FSTL4: variants seen among roughly 807,000 people sequenced by gnomAD.
FSTL4 encodes follistatin like 4.
In FSTL4, 28 loss-of-function variants were observed where a neutral mutation model predicts 78.2. That is an observed-to-expected ratio of 0.36 (90% CI 0.27 to 0.49). The LOEUF (loss-of-function observed/expected upper bound fraction) is 0.49. FSTL4 is among the 20% of genes least tolerant of loss of function. FSTL4 has a pLI of 0.98. For missense variants in FSTL4, 922 were observed against 1,084.9 expected, an observed-to-expected ratio of 0.85 and a Z score of 2.11; for synonymous variants, 422 against 440.5, an observed-to-expected ratio of 0.96 and a Z score of 0.53.
chr5:133,240,068 T>C (rs1261375933), intron 7 of FSTL4, among the ~76,000 whole-genome samples: 1 of 152,204 alleles, frequency 6.6e-6, no homozygotes, highest in Non-Finnish European at 1.5e-5. Flanking sequence ...GCTCACTCTT[T>C]AGGTTTACAC....
At chr5:133,787,577 A>T in the FSTL4 span, among the ~76,000 whole-genome samples, 1 of 29,390 alleles carries the variant, frequency 3.4e-5, no homozygotes, top group South Asian at 9.8e-4. Flanking sequence ...CCCCACCCCC[A>T]GTCCCACGCC....
intron 2 of FSTL4, among the ~76,000 whole-genome samples, chr5:133,572,549 T>C (rs1212823891): frequency 6.6e-6 from 1 of 152,144 alleles, no homozygotes; most frequent in East Asian, 1.9e-4. Flanking sequence ...AGCGAACTTT[T>C]AAGGCAAAAA....
the FSTL4 span, among the ~76,000 whole-genome samples, chr5:133,720,277 T>G: frequency 5.9e-5 from 9 of 152,238 alleles, no homozygotes; most frequent in Admixed American, 6.5e-5. Flanking sequence ...ATTCAAGTTC[T>G]TTTTGTGGCA....
At chr5:133,570,987 C>T (rs1760142404) in intron 2 of FSTL4, among the ~76,000 whole-genome samples, 1 of 151,968 alleles carries the variant, frequency 6.6e-6, no homozygotes, top group Admixed American at 6.6e-5. Context: ...GAAAAGGAAA[C>T]CAGAAAGAAG....
chr5:133,323,288 T>G (rs78579095), intron 4 of FSTL4, among the ~76,000 whole-genome samples: 1 of 152,114 alleles, frequency 6.6e-6, no homozygotes, highest in Admixed American at 6.5e-5. Flanking sequence ...ATGGGGATAA[T>G]AATAGCTTCT....
intron 3 of FSTL4, among the ~76,000 whole-genome samples, chr5:133,539,958 T>C (rs1759433419): frequency 6.6e-6 from 1 of 151,786 alleles, no homozygotes; most frequent in African/African-American, 2.4e-5. Flanking sequence ...GGTTTTTTTT[T>C]TTTCTTTGAT....
At chr5:133,652,767 A>G in the FSTL4 span, among the ~76,000 whole-genome samples, 1 of 152,188 alleles carries the variant, frequency 6.6e-6, no homozygotes, top group African/African-American at 2.4e-5. Flanking sequence ...AACAAGGACC[A>G]CACTTATTCT....
At chr5:133,573,516 G>A (rs256251) in intron 2 of FSTL4, among the ~76,000 whole-genome samples, 58,281 of 151,992 alleles carry the variant, frequency 0.38, 11,302 homozygotes, top group Non-Finnish European at 0.39. Flanking sequence ...AACTTAACAG[G>A]AATATATAGC....
Position 133,611,626 on chromosome 5 carries a change from T to A in FSTL4, c.-11+699A>T, listed in dbSNP as rs1304176228. ...TGCTCCCTAGACACGTTCAAGCGGG[T>A]ACCCCGGGCCGCTCACTCTGGACCG... On this transcript the variant is annotated intron_variant, in intron 1 of 15. Transcript: ENST00000265342. This position sits in a 1 kb window ranked among gnomAD's most constrained non-coding sequence, Gnocchi z 4.9. Among the ~76,000 whole-genome samples, 1 of 152,092 alleles carries A rather than the reference T, an allele frequency of 6.6e-6. No individual in the cohort carries two copies. Among genetic ancestry groups the A allele is most frequent in the Non-Finnish European group, 1.5e-5 (1 of 67,996 alleles).
At position 133,471,657 on chromosome 5, in the gene FSTL4, C is replaced by T. The variant is rs142456979; in HGVS notation, c.161-70671G>A. ...ATTTTAAATTTCTGTTGTTTATCAG[C>T]TACCCAGGCTATGCGATTTTGTTAT... On this transcript the variant is annotated intron_variant, in intron 3 of 15. Transcript: ENST00000265342. Among the ~76,000 whole-genome samples, 584 of 152,290 alleles carry T rather than the reference C, an allele frequency of 3.8e-3. 3 individuals are homozygous for T. Among genetic ancestry groups the T allele is most frequent in the African/African-American group, 0.014 (574 of 41,536 alleles).
intron 2 of FSTL4, among the ~76,000 whole-genome samples, chr5:133,572,023 C>T (rs192788267): frequency 1.3e-5 from 2 of 152,270 alleles, no homozygotes; most frequent in African/African-American, 4.8e-5. Flanking sequence ...TAATGAAAGA[C>T]ATCAAGCCAG....
At chr5:133,724,329 G>T in the FSTL4 span, among the ~76,000 whole-genome samples, 1 of 152,194 alleles carries the variant, frequency 6.6e-6, no homozygotes, top group African/African-American at 2.4e-5. Context: ...CCTAACTGAG[G>T]AGATTGGGTG....
chr5:133,438,716 C>T (rs1757088109), intron 3 of FSTL4, among the ~76,000 whole-genome samples: 1 of 152,170 alleles, frequency 6.6e-6, no homozygotes, highest in African/African-American at 2.4e-5. Context: ...ATGGGGCTCA[C>T]ACCTCATGGA....
the FSTL4 span, among the ~76,000 whole-genome samples, chr5:133,694,777 G>A: frequency 6.6e-6 from 1 of 152,174 alleles, no homozygotes; most frequent in African/African-American, 2.4e-5. Context: ...AGTAAATCTG[G>A]TGTCTAGCAA....
chr5:133,753,683 C>CTGTGTGTG, the FSTL4 span, among the ~76,000 whole-genome samples: 2,250 of 120,536 alleles, frequency 0.019, 46 homozygotes, highest in African/African-American at 0.021. Flanking sequence ...CACATTTGTT[C>CTGTGTGTG]TGTGTGTGTG....
the FSTL4 span, among the ~76,000 whole-genome samples, chr5:133,776,055 C>T: frequency 3.9e-5 from 6 of 152,110 alleles, no homozygotes; most frequent in African/African-American, 1.4e-4. Context: ...ATGTTGGGGC[C>T]ATGCTTTTTC....
At chr5:133,797,871 G>A in the FSTL4 span, among the ~76,000 whole-genome samples, 9 of 152,090 alleles carry the variant, frequency 5.9e-5, no homozygotes, top group African/African-American at 2.2e-4. Flanking sequence ...AGGGGACCCA[G>A]CCAACCTCCT....
chr5:133,223,396 T>A (rs1751218013), intron 11 of FSTL4, among the ~76,000 whole-genome samples: 1 of 152,114 alleles, frequency 6.6e-6, no homozygotes, highest in African/African-American at 2.4e-5. Flanking sequence ...AGATGGGAAA[T>A]GTCTTGGTTT....
At chr5:133,799,639 G>C in the FSTL4 span, among the ~76,000 whole-genome samples, 1 of 138,408 alleles carries the variant, frequency 7.2e-6, no homozygotes, top group African/African-American at 2.6e-5. Flanking sequence ...CCTGCCCCCA[G>C]CAGGAGATGG....
Sources: allele counts gnomAD v4.1 joint callset (sites outside exome capture counted in the v4.1 genomes callset), GRCh38; gene constraint gnomAD v4.1.1; non-coding constraint Gnocchi (gnomAD v3.1); transcripts MANE v1.5; gene names NCBI Gene and HGNC (gene_info 2026-07-23, HGNC 2026-07-21).